The following ASB16 variants were observed in gnomAD, a reference collection of about 807,000 sequenced individuals.
The protein encoded by ASB16 is ankyrin repeat and SOCS box containing 16, also known as ankyrin repeat and SOCS box protein 16.
A neutral mutation model predicts 39.1 loss-of-function variants in ASB16; 44 were observed. The ratio of observed to expected loss-of-function variants is 1.13; its 90% CI spans 0.88 to 1.45. The LOEUF is 1.45. ASB16 is among the 40% of genes most tolerant of loss of function. The pLI is 0.00. For missense variants in ASB16, 698 were observed against 634.5 expected (o/e 1.10, Z -1.07); for synonymous variants, 305 against 286.7 (o/e 1.06, Z -0.64).
chr17:44,176,333 G>C, intron 2 of ASB16: 3 of 273,874 alleles, frequency 1.1e-5, no homozygotes, highest in South Asian at 1.0e-4. Flanking sequence ...CTTCAGCCTG[G>C]GCCACAGAGA....
rs2054320169 is a variant in ASB16 at position 44,177,733 on chromosome 17, C to T, written c.1176+11C>T. ...CCAGAGCTGTGGAAGGTATGTTTGC[C>T]TCAGGGCCGAGATGGGGAGGAGGGA... is the stretch of plus-strand genomic sequence containing the variant. On this transcript the variant is annotated intron_variant, in intron 4 of 4. Transcript: ENST00000293414. 1 of 1,611,722 alleles carries T rather than the reference C, an allele frequency of 6.2e-7. No individual in the cohort carries two copies. Among genetic ancestry groups the T allele is most frequent in the Non-Finnish European group, 8.5e-7 (1 of 1,178,764 alleles).
chr17:44,178,857 G>T lies in ASB16; in HGVS notation c.*467G>T. On this transcript the variant is annotated 3_prime_UTR_variant, in exon 5 of 5. Transcript: ENST00000293414. ...TTGAGACACCTGCTGACCTCTAGCCGGACCTGAGCTTCAGACCCTCTCTCC... is the reference window on the plus strand; with the variant it reads ...TTGAGACACCTGCTGACCTCTAGCCTGACCTGAGCTTCAGACCCTCTCTCC... 6.2e-6 allele frequency: 1 copy of T among 162,194 alleles called. No homozygotes were observed. The allele number at this position is 162,194 out of a possible 1,614,324, so 10.0% of individuals were successfully genotyped here.
At position 44,176,937 on chromosome 17, in the gene ASB16, C is replaced by A. The variant is rs2054301234; in HGVS notation, c.769C>A (p.Pro257Thr). 1.3e-6 allele frequency: 2 copies of A among 1,527,062 alleles called. No individual in the cohort carries two copies. The highest frequency in any genetic ancestry group is 1.7e-6 in the Non-Finnish European group (2 of 1,147,886). The allele number at this position is 1,527,062 out of a possible 1,614,324, so 94.6% of individuals were successfully genotyped here. Residue 257 changes from proline (P) to threonine (T), a missense_variant, in exon 3 of 5, where the codon CCA (proline) becomes ACA (threonine). Coordinates refer to ENST00000293414, the MANE Select transcript of ASB16 (RefSeq NM_080863.5). ...LNTACAGAEG[P>T]GSCRRHQAAA... ...CACGGCGTGCGCTGGGGCCGAGGGC[C>A]CAGGTAGCTGCAGGCGACACCAGGC...
intron 2 of ASB16, among the ~76,000 whole-genome samples, chr17:44,173,841 G>T (rs1185668049): frequency 6.6e-6 from 1 of 151,980 alleles, no homozygotes; most frequent in East Asian, 1.9e-4. Context: ...GAGGTATGGG[G>T]GTGCCTCACA....
Position 44,170,925 on chromosome 17 carries a change from C to T in ASB16, c.136C>T (p.Arg46Trp), listed in dbSNP as rs370158958. The change falls in exon 1 of 5, where the codon CGG (arginine) becomes TGG (tryptophan). Residue 46 changes from arginine (R) to tryptophan (W), a missense_variant. Transcript: ENST00000293414. Reference sequence around the variant, plus strand: ...GAGCCGCAGGTGCCCGTCAAGTCCCCGGGCCCGACTCACTAGGCCTCACCG... The same window carrying T: ...GAGCCGCAGGTGCCCGTCAAGTCCCTGGGCCCGACTCACTAGGCCTCACCG... The part of the protein sequence containing the change: ...CRSRRCPSSP[R>W]ARLTRPHRSC... 8.9e-5 allele frequency: 143 copies of T among 1,612,984 alleles called. No individual in the cohort carries two copies. The highest frequency in any genetic ancestry group is 1.1e-4 in the Non-Finnish European group (131 of 1,179,900).
Position 44,172,321 on chromosome 17 carries a change from C to T in ASB16, c.569+8C>T, listed in dbSNP as rs375065258. Reference sequence around the variant, plus strand: ...GATCCCCGAGTCCTTGCAGTAGGTGCCTGGGGGCTGAGACAGTTTGGGGAG... The same window carrying T: ...GATCCCCGAGTCCTTGCAGTAGGTGTCTGGGGGCTGAGACAGTTTGGGGAG... On this transcript the variant is annotated splice_region_variant and intron_variant, in intron 2 of 4. Transcript: ENST00000293414. 6.8e-5 allele frequency: 109 copies of T among 1,605,576 alleles called. No individual in the cohort carries two copies. The highest frequency in any genetic ancestry group is 5.0e-4 in the Middle Eastern group (3 of 6,030).
intron 2 of ASB16, among the ~76,000 whole-genome samples, chr17:44,174,970 C>T (rs955204472): frequency 9.3e-5 from 14 of 151,174 alleles, no homozygotes; most frequent in African/African-American, 2.9e-4. Context: ...GGCATGGCAG[C>T]GCATGCCTGC....
chr17:44,176,683 G>A, intron 2 of ASB16, 55 bp from the exon 3 acceptor site: 1 of 1,613,460 alleles, frequency 6.2e-7, no homozygotes, highest in Non-Finnish European at 8.5e-7. Context: ...ACAGCAAGCT[G>A]AAGGGGTCCC....
chr17:44,173,272 A>C (rs1322991665), intron 2 of ASB16, among the ~76,000 whole-genome samples: 1 of 149,156 alleles, frequency 6.7e-6, no homozygotes, highest in African/African-American at 2.5e-5. Context: ...TGGCGCCTGT[A>C]ATCCTAGCTA....
chr17:44,172,606 C>A (rs1389840812), intron 2 of ASB16, among the ~76,000 whole-genome samples: 4 of 151,996 alleles, frequency 2.6e-5, no homozygotes, highest in African/African-American at 9.7e-5. Flanking sequence ...CCCTGTGAAT[C>A]CTTTGTAGCC....
In ASB16 at chr17:44,177,731, G is replaced by A; in HGVS notation, c.1176+9G>A. 6.2e-7 allele frequency: 1 copy of A among 1,612,072 alleles called. No homozygotes were observed. The highest frequency in any genetic ancestry group is 8.5e-7 in the Non-Finnish European group (1 of 1,178,850). On this transcript the variant is annotated intron_variant, in intron 4 of 4. Transcript: ENST00000293414. ...TCCCAGAGCTGTGGAAGGTATGTTT[G>A]CCTCAGGGCCGAGATGGGGAGGAGG... is the stretch of plus-strand genomic sequence containing the variant.
chr17:44,175,993 A>G (rs1008437206), intron 2 of ASB16: 4 of 151,910 alleles, frequency 2.6e-5, no homozygotes, highest in Non-Finnish European at 5.9e-5. Flanking sequence ...TTTGGTGCAT[A>G]CTGTTTAATT....
chr17:44,178,560 C>G lies in ASB16; in HGVS notation c.*170C>G. 1.4e-6 allele frequency: 1 copy of G among 710,042 alleles called. No homozygotes were observed. Among genetic ancestry groups the G allele is most frequent in the Non-Finnish European group, 2.3e-6 (1 of 440,136 alleles). The allele number at this position is 710,042 out of a possible 1,614,324, so 44.0% of individuals were successfully genotyped here. ...CTATCTCGGCTCACTGCAACTTCTA[C>G]CACCTAGGTTCAAGCGATTCTTGTG... On this transcript the variant is annotated 3_prime_UTR_variant, in exon 5 of 5. Transcript: ENST00000293414.
chr17:44,171,348 G>T (rs930360108), intron 1 of ASB16, among the ~76,000 whole-genome samples: 7 of 152,000 alleles, frequency 4.6e-5, no homozygotes, highest in African/African-American at 1.4e-4. Flanking sequence ...GGCGGATCAC[G>T]AAGTCAGAAG....
chr17:44,171,184 C>T, intron 1 of ASB16, 94 bp downstream of exon 1: 50 of 1,326,750 alleles, frequency 3.8e-5, no homozygotes, highest in Non-Finnish European at 4.9e-5. Context: ...CCCTGCAGAC[C>T]ACAGACTATA....
chr17:44,178,484 T>C lies in ASB16; in HGVS notation c.*94T>C. 1 of 1,327,436 alleles carries C rather than the reference T, an allele frequency of 7.5e-7. No individual in the cohort carries two copies. The highest frequency in any genetic ancestry group is 1.0e-6 in the Non-Finnish European group (1 of 983,628). The allele number at this position is 1,327,436 out of a possible 1,614,324, so 82.2% of individuals were successfully genotyped here. On this transcript the variant is annotated 3_prime_UTR_variant, in exon 5 of 5. Coordinates refer to ENST00000293414, the MANE Select transcript of ASB16 (RefSeq NM_080863.5). The stretch of plus-strand genomic sequence containing the variant: ...ACCAGTTCCTGGCCCTCTTTTCTTT[T>C]CTTTTTGAGACCTAGTCTCACTCTG...
intron 2 of ASB16, among the ~76,000 whole-genome samples, chr17:44,174,580 T>C (rs2054271054): frequency 6.6e-6 from 1 of 151,970 alleles, no homozygotes; most frequent in South Asian, 2.1e-4. Context: ...ACAGACAGGG[T>C]GGCAGGTAAG....
At position 44,171,061 on chromosome 17, in the gene ASB16, G is replaced by A. The variant is rs2054239167; in HGVS notation, c.272G>A (p.Ser91Asn). The A allele has an allele frequency of 6.2e-7, 1 of 1,614,060 alleles. No individual in the cohort carries two copies. The highest frequency in any genetic ancestry group is 8.5e-7 in the Non-Finnish European group (1 of 1,180,002). ...GCCAACATGATTGTGGAGACTGTGAGCAACCAGCTGGCCTGGTCGGCTGAA... is the reference window on the plus strand; with the variant it reads ...GCCAACATGATTGTGGAGACTGTGAACAACCAGCTGGCCTGGTCGGCTGAA... ...EAANMIVETVSNQLAWSAEQG... is the reference protein window; with the variant it reads ...EAANMIVETVNNQLAWSAEQG... Residue 91 changes from serine (S) to asparagine (N), a missense_variant, in exon 1 of 5, where the codon AGC becomes AAC. Coordinates refer to ENST00000293414, the MANE Select transcript of ASB16 (RefSeq NM_080863.5).
chr17:44,176,871 G>C lies in ASB16; in HGVS notation c.703G>C (p.Asp235His), dbSNP rs764652045. ...HVALYLEHGA[D>H]VGLRTSQGET... ...GGCTCTGTACCTGGAGCATGGCGCCGACGTGGGCCTGCGCACCAGCCAGGG... is the reference window on the plus strand; with the variant it reads ...GGCTCTGTACCTGGAGCATGGCGCCCACGTGGGCCTGCGCACCAGCCAGGG... Residue 235 changes from aspartate to histidine, a missense_variant, in exon 3 of 5, where the codon GAC becomes CAC. Physicochemically the swap from Asp to His is moderately conservative, Grantham distance 81. Transcript: ENST00000293414. 5 of 1,607,186 alleles carry C rather than the reference G, an allele frequency of 3.1e-6. No individual in the cohort carries two copies. The highest frequency in any genetic ancestry group is 2.7e-5 in the African/African-American group (2 of 74,848).
Sources: gnomAD v4.1 joint callset for allele counts (sites outside exome capture counted in the v4.1 genomes callset) on GRCh38, gnomAD v4.1.1 for gene constraint, MANE v1.5 for transcripts, NCBI Gene and HGNC (gene_info 2026-07-23, HGNC 2026-07-21) for gene names.